ADAMTSL1: variants seen among roughly 807,000 people sequenced by gnomAD.
ADAMTSL1 encodes ADAMTS-like protein 1.
A neutral mutation model predicts 201.8 loss-of-function variants in ADAMTSL1; 126 were observed. That is an observed-to-expected ratio of 0.62 (90% CI 0.54 to 0.72). ADAMTSL1 has a LOEUF of 0.72. ADAMTSL1 is among the 30% of genes least tolerant of loss of function. ADAMTSL1 has a pLI of 0.00. For missense variants in ADAMTSL1, 2,679 were observed against 2,277.8 expected (o/e 1.18, Z -3.59); for synonymous variants, 1,121 against 903.4 (o/e 1.24, Z -4.32).
At chr9:18,306,164 T>C (rs189773264) in intron 2 of ADAMTSL1, among the ~76,000 whole-genome samples, 1 of 152,058 alleles carries the variant, frequency 6.6e-6, no homozygotes. Context: ...AAAAAAGACA[T>C]CCACACATAA....
intron 2 of ADAMTSL1, among the ~76,000 whole-genome samples, chr9:18,380,529 T>C (rs1015069607): frequency 6.6e-6 from 1 of 152,198 alleles, no homozygotes. Flanking sequence ...CATTTTTCAG[T>C]TATAAATAAT....
chr9:18,844,347 G>C (rs904221394), intron 23 of ADAMTSL1, among the ~76,000 whole-genome samples: 3 of 152,308 alleles, frequency 2.0e-5, no homozygotes, highest in African/African-American at 7.2e-5. Flanking sequence ...CTGCAGAACA[G>C]TGGATTTTCA....
chr9:18,205,971 T>A (rs183498611), intron 2 of ADAMTSL1, among the ~76,000 whole-genome samples: 1 of 141,618 alleles, frequency 7.1e-6, no homozygotes, highest in East Asian at 2.1e-4. Flanking sequence ...GGGGAATCAC[T>A]TGAAACCGGG....
chr9:17,996,069 C>T (rs186466257), intron 1 of ADAMTSL1, among the ~76,000 whole-genome samples: 3 of 152,118 alleles, frequency 2.0e-5, no homozygotes, highest in East Asian at 1.9e-4. Flanking sequence ...TTTAATACTA[C>T]TAATATTTTT....
chr9:18,777,808 C>G lies in ADAMTSL1; in HGVS notation c.3579C>G (p.Ser1193Arg). ...TGGGGCAGACGGTGGCCCTGGCCAG[C>G]GGGACACTGAGTGTTCTTCTGCACT... is the stretch of plus-strand genomic sequence containing the variant. ...THLGQTVALA[S>R]GTLSVLLHCE... The change falls in exon 19 of 29, where the codon AGC becomes AGG. Residue 1193 changes from serine (S) to arginine (R), a missense_variant. Coordinates refer to ENST00000380548, the MANE Select transcript of ADAMTSL1 (RefSeq NM_001040272.6). The G allele has an allele frequency of 6.2e-7, 1 of 1,613,654 alleles. No individual in the cohort carries two copies. Among genetic ancestry groups the G allele is most frequent in the South Asian group, 1.1e-5 (1 of 91,044 alleles).
chr9:18,756,695 A>G (rs908202424), intron 16 of ADAMTSL1, among the ~76,000 whole-genome samples: 8 of 152,180 alleles, frequency 5.3e-5, no homozygotes, highest in African/African-American at 1.7e-4. Flanking sequence ...CACCCAACCT[A>G]CAGCCTCTTT....
chr9:18,604,642 T>G (rs1189982911), intron 4 of ADAMTSL1, among the ~76,000 whole-genome samples: 5 of 152,228 alleles, frequency 3.3e-5, no homozygotes, highest in African/African-American at 1.2e-4. Context: ...ATATATAACA[T>G]TTTATCCATT....
intron 1 of ADAMTSL1, among the ~76,000 whole-genome samples, chr9:17,935,695 T>G (rs2131331354): frequency 6.6e-6 from 1 of 152,354 alleles, no homozygotes; most frequent in South Asian, 2.1e-4. Context: ...TGATTTACTA[T>G]TAATAGCAAT....
intron 1 of ADAMTSL1, among the ~76,000 whole-genome samples, chr9:18,086,912 A>G (rs1013205749): frequency 1.3e-5 from 2 of 152,182 alleles, no homozygotes; most frequent in African/African-American, 4.8e-5. Context: ...CCATATTCAG[A>G]ACAAGATTTT....
intron 1 of ADAMTSL1, among the ~76,000 whole-genome samples, chr9:18,083,669 G>T (rs931206401): frequency 6.6e-6 from 1 of 152,184 alleles, no homozygotes; most frequent in Non-Finnish European, 1.5e-5. Flanking sequence ...GGCTCTTTAT[G>T]AGGAACAATT....
intron 2 of ADAMTSL1, among the ~76,000 whole-genome samples, chr9:18,399,295 A>ATG: frequency 1.0e-5 from 1 of 97,092 alleles, no homozygotes; most frequent in African/African-American, 4.4e-5. Context: ...ATATATATAT[A>ATG]TATATATATA....
intron 1 of ADAMTSL1, among the ~76,000 whole-genome samples, chr9:18,016,800 G>A (rs901357618): frequency 5.3e-5 from 8 of 151,990 alleles, no homozygotes; most frequent in Admixed American, 1.3e-4. Flanking sequence ...TGGTCCCTGC[G>A]TTCAGGTGAC....
intron 2 of ADAMTSL1, among the ~76,000 whole-genome samples, chr9:18,168,982 T>C (rs1827763345): frequency 1.3e-5 from 2 of 150,886 alleles, no homozygotes; most frequent in East Asian, 3.9e-4. Flanking sequence ...TGTTTGTTTT[T>C]TCTTGTAAAT....
chr9:18,071,683 T>C (rs1229694814), intron 1 of ADAMTSL1, among the ~76,000 whole-genome samples: 4 of 152,154 alleles, frequency 2.6e-5, no homozygotes, highest in Non-Finnish European at 4.4e-5. Flanking sequence ...AGGGAGTGTG[T>C]CCTCTATAGA....
At chr9:18,567,642 C>A (rs1470673261) in intron 3 of ADAMTSL1, among the ~76,000 whole-genome samples, 1 of 151,948 alleles carries the variant, frequency 6.6e-6, no homozygotes, top group Admixed American at 6.6e-5. Flanking sequence ...AGTAGTCCCC[C>A]CCTTATTCTC....
intron 20 of ADAMTSL1, among the ~76,000 whole-genome samples, chr9:18,811,191 G>A (rs1052015560): frequency 3.3e-5 from 5 of 152,096 alleles, no homozygotes; most frequent in Non-Finnish European, 7.4e-5. Context: ...AGGCTGAGCA[G>A]GGAGCCTAGA....
chr9:18,354,971 T>TATAA (rs1050627468), intron 2 of ADAMTSL1, among the ~76,000 whole-genome samples: 1 of 151,606 alleles, frequency 6.6e-6, no homozygotes, highest in Non-Finnish European at 1.5e-5. Context: ...ACTCCATCTC[T>TATAA]ATAAATAAAC....
intron 2 of ADAMTSL1, among the ~76,000 whole-genome samples, chr9:18,441,335 A>C (rs2133454183): frequency 6.6e-6 from 1 of 152,312 alleles, no homozygotes; most frequent in South Asian, 2.1e-4. Context: ...TTAAAAAGGA[A>C]AGAAAATACT....
At chr9:18,509,190 C>CAAAAAAAAAAAAAAAAAA (rs57922962) in intron 2 of ADAMTSL1, among the ~76,000 whole-genome samples, 1 of 20,452 alleles carries the variant, frequency 4.9e-5, no homozygotes, top group Non-Finnish European at 7.3e-5. Context: ...GACTCCGTCT[C>CAAAAAAAAAAAAAAAAAA]AAAAAAAAAA....
Sources: allele counts gnomAD v4.1 joint callset (sites outside exome capture counted in the v4.1 genomes callset), GRCh38; gene constraint gnomAD v4.1.1; transcripts MANE v1.5; gene names NCBI Gene and HGNC (gene_info 2026-07-23, HGNC 2026-07-21).